Variants in PRKAR2A observed in about 807,000 individuals in gnomAD.
PRKAR2A encodes cAMP-dependent protein kinase type II-alpha regulatory subunit.
In PRKAR2A, 29 loss-of-function variants were observed where a neutral mutation model predicts 51.9. That is an observed-to-expected ratio of 0.56 (90% CI 0.42 to 0.76). PRKAR2A has a LOEUF of 0.76. Among genes scored for constraint, PRKAR2A ranks in the 30% least tolerant of loss-of-function variants. The pLI is 0.00. For synonymous variants in PRKAR2A, 178 were observed against 186.2 expected (o/e 0.96, Z 0.36); for missense variants, 445 against 512.1 (o/e 0.87, Z 1.26).
At chr3:48,801,106 A>G (rs947019501) in intron 2 of PRKAR2A, among the ~76,000 whole-genome samples, 1 of 152,044 alleles carries the variant, frequency 6.6e-6, no homozygotes, top group South Asian at 2.1e-4. Flanking sequence ...CAGCCTCTCA[A>G]GTAGCTGGGA....
chr3:48,806,539 C>G (rs1312737726), intron 2 of PRKAR2A, among the ~76,000 whole-genome samples: 1 of 151,408 alleles, frequency 6.6e-6, no homozygotes, highest in Admixed American at 6.6e-5. Flanking sequence ...GCCTATGTGT[C>G]CAGCAGTGTT....
At chr3:48,776,351 T>C (rs62261501) in intron 5 of PRKAR2A, among the ~76,000 whole-genome samples, 6,712 of 152,230 alleles carry the variant, frequency 0.044, 207 homozygotes, top group Non-Finnish European at 0.068. Context: ...TAATCAAAGA[T>C]ACTGCAAAAG....
intron 1 of PRKAR2A, among the ~76,000 whole-genome samples, chr3:48,837,059 G>C (rs2083298661): frequency 6.6e-6 from 1 of 151,948 alleles, no homozygotes; most frequent in African/African-American, 2.4e-5. Context: ...GCCTGCAAGG[G>C]TTAGGCTGCA....
chr3:48,834,726 G>GAAAAAAAAAAAAAAAAAAAAAAAAAA (rs567543851), intron 1 of PRKAR2A, among the ~76,000 whole-genome samples: 2 of 49,700 alleles, frequency 4.0e-5, no homozygotes, highest in Non-Finnish European at 4.5e-5. Context: ...CCTGTCTCAA[G>GAAAAAAAAAAAAAAAAAAAAAAAAAA]AAAAAAAAAA....
At chr3:48,837,431 T>G (rs958855445) in intron 1 of PRKAR2A, among the ~76,000 whole-genome samples, 4 of 152,220 alleles carry the variant, frequency 2.6e-5, no homozygotes, top group Non-Finnish European at 2.9e-5. Flanking sequence ...TTGGCTATAA[T>G]AATTTTAGAA....
At chr3:48,780,769 G>A (rs879650097) in intron 5 of PRKAR2A, among the ~76,000 whole-genome samples, 1 of 151,946 alleles carries the variant, frequency 6.6e-6, no homozygotes, top group Admixed American at 6.6e-5. Flanking sequence ...CTATTTGATG[G>A]AGATTAAAAG....
At chr3:48,780,125 C>G (rs2082170275) in intron 5 of PRKAR2A, among the ~76,000 whole-genome samples, 1 of 151,414 alleles carries the variant, frequency 6.6e-6, no homozygotes, top group Non-Finnish European at 1.5e-5. Context: ...TGCCACTGCA[C>G]TCCAGCCTTG....
chr3:48,838,444 T>TA (rs1284931154), intron 1 of PRKAR2A, among the ~76,000 whole-genome samples: 12 of 151,102 alleles, frequency 7.9e-5, no homozygotes, highest in Admixed American at 1.3e-4. Context: ...CCATCTCTAC[T>TA]AAAAATACAA....
intron 2 of PRKAR2A, among the ~76,000 whole-genome samples, chr3:48,802,848 T>C (rs1382863601): frequency 6.6e-6 from 1 of 152,236 alleles, no homozygotes; most frequent in Non-Finnish European, 1.5e-5. Context: ...CAACGATATG[T>C]TTCTTTGCTG....
At chr3:48,803,952 A>G (rs2082629545) in intron 2 of PRKAR2A, among the ~76,000 whole-genome samples, 1 of 152,154 alleles carries the variant, frequency 6.6e-6, no homozygotes, top group South Asian at 2.1e-4. Flanking sequence ...CGACAAGGCA[A>G]GACTCTGTCT....
chr3:48,799,059 CCTTT>C (rs1463079424), intron 2 of PRKAR2A, among the ~76,000 whole-genome samples: 2 of 152,172 alleles, frequency 1.3e-5, no homozygotes, highest in Admixed American at 6.6e-5. Flanking sequence ...TAAATTACTT[CCTTT>C]ATTTTCTAGG....
In PRKAR2A at chr3:48,804,167, A is replaced by G. The variant is rs552477101; in HGVS notation, c.298+3482T>C. Among the ~76,000 whole-genome samples the G allele has an allele frequency of 5.9e-5, 9 of 152,260 alleles. No individual in the cohort carries two copies. The South Asian group carries it at 1.7e-3, about 28-fold the overall frequency. On this transcript the variant is annotated intron_variant, in intron 2 of 10. Transcript: ENST00000265563. The stretch of plus-strand genomic sequence containing the variant: ...AGTCGGTTTAGCAAAGCAAATAAAA[A>G]GGGAAAAGTAAGGCCAGGTGTGGTG...
intron 1 of PRKAR2A, among the ~76,000 whole-genome samples, chr3:48,839,997 T>C (rs2083350759): frequency 6.6e-6 from 1 of 152,172 alleles, no homozygotes; most frequent in South Asian, 2.1e-4. Flanking sequence ...ACTGAAACTC[T>C]GTACCTATTA....
At chr3:48,761,214 G>A (rs1157217010) in intron 8 of PRKAR2A, among the ~76,000 whole-genome samples, 5 of 151,436 alleles carry the variant, frequency 3.3e-5, no homozygotes, top group South Asian at 4.2e-4. Context: ...CCCAGGAGGC[G>A]GAGCTTGCAG....
At chr3:48,756,832 ACTT>A (rs1164233813) in intron 8 of PRKAR2A, among the ~76,000 whole-genome samples, 2 of 152,206 alleles carry the variant, frequency 1.3e-5, no homozygotes, top group African/African-American at 4.8e-5. Context: ...CTGAGAATCT[ACTT>A]CTGAGGCTTT....
intron 2 of PRKAR2A, among the ~76,000 whole-genome samples, chr3:48,800,027 T>C (rs1276741231): frequency 1.3e-5 from 2 of 151,734 alleles, no homozygotes; most frequent in Admixed American, 6.6e-5. Context: ...ACTCAGTGAA[T>C]TTTTGTATTT....
intron 1 of PRKAR2A, among the ~76,000 whole-genome samples, chr3:48,842,075 C>T (rs2083389607): frequency 6.6e-6 from 1 of 152,014 alleles, no homozygotes; most frequent in Admixed American, 6.6e-5. Flanking sequence ...TGTTTGTATC[C>T]TCTTTTATTT....
chr3:48,804,732 G>A (rs545353281), intron 2 of PRKAR2A, among the ~76,000 whole-genome samples: 4 of 152,058 alleles, frequency 2.6e-5, no homozygotes, highest in Non-Finnish European at 5.9e-5. Flanking sequence ...GGGAATGAGT[G>A]GCTGAAGTAG....
At chr3:48,751,961 G>A (rs571481485) in intron 10 of PRKAR2A, among the ~76,000 whole-genome samples, 10 of 152,162 alleles carry the variant, frequency 6.6e-5, no homozygotes, top group African/African-American at 9.6e-5. Flanking sequence ...CTTTTCATAC[G>A]GCTAAAGAAC....
Sources: allele counts gnomAD v4.1 joint callset (sites outside exome capture counted in the v4.1 genomes callset), GRCh38; gene constraint gnomAD v4.1.1; transcripts MANE v1.5; gene names NCBI Gene and HGNC (gene_info 2026-07-23, HGNC 2026-07-21).